Variants in WNK2 observed in about 807,000 individuals in gnomAD.
WNK2 encodes WNK lysine deficient protein kinase 2, also known as serine/threonine-protein kinase WNK2.
In WNK2, 67 loss-of-function variants were observed where a neutral mutation model predicts 192.1. The ratio of observed to expected loss-of-function variants is 0.35; its 90% CI spans 0.29 to 0.43. WNK2 has a LOEUF of 0.43. WNK2 is among the 20% of genes least tolerant of loss of function. The pLI, the probability that WNK2 is intolerant of heterozygous loss-of-function variation, is 1.00. For missense variants in WNK2, 2,698 were observed against 3,089.7 expected (o/e 0.87, Z 3.01); for synonymous variants, 1,439 against 1,393.9 (o/e 1.03, Z -0.72).
At chr9:93,316,260 T>G (rs1385476883) in intron 28 of WNK2, 1 of 152,214 alleles carries the variant, frequency 6.6e-6, no homozygotes, top group African/African-American at 2.4e-5. Flanking sequence ...AGTTCTTGAT[T>G]TTTTTCAGGT....
At chr9:93,201,977 G>A (rs1587834536) in intron 2 of WNK2, among the ~76,000 whole-genome samples, 5 of 152,204 alleles carry the variant, frequency 3.3e-5, no homozygotes, top group Admixed American at 6.5e-5. Context: ...GCTAAGCAGA[G>A]GCAGCTGCCA....
intron 28 of WNK2, among the ~76,000 whole-genome samples, chr9:93,314,895 G>T (rs992398244): frequency 1.7e-4 from 26 of 152,092 alleles, no homozygotes; most frequent in Non-Finnish European, 2.9e-4. Context: ...TTTCCCGGGG[G>T]GGGTTTTGCT....
chr9:93,289,466 C>T lies in WNK2; in HGVS notation c.4712C>T (p.Ser1571Leu). 6.2e-7 allele frequency: 1 copy of T among 1,612,518 alleles called. No individual in the cohort carries two copies. Among genetic ancestry groups the T allele is most frequent in the East Asian group, 2.2e-5 (1 of 44,858 alleles). Residue 1571 changes from serine to leucine, a missense_variant, in exon 20 of 30, where the codon TCA becomes TTA. Physicochemically the swap from Ser to Leu is moderately radical, Grantham distance 145. This residue lies in a region of WNK2 where 1,098 missense variants were observed against 1,101.0 expected (regional missense o/e 1.00). Coordinates refer to ENST00000427277, the MANE Select transcript of WNK2 (RefSeq NM_006648.4). Reference sequence around the variant, plus strand: ...GAGCACGTGCCCACCTCCTCAGCCTCAGCTGGGACCCCTGTGGAGGTGGGC... The same window carrying T: ...GAGCACGTGCCCACCTCCTCAGCCTTAGCTGGGACCCCTGTGGAGGTGGGC... ...YQEHVPTSSA[S>L]AGTPVEVGDR... is the part of the protein sequence containing the mutation.
chr9:93,266,693 T>G (rs1845225858), intron 16 of WNK2, among the ~76,000 whole-genome samples: 1 of 152,118 alleles, frequency 6.6e-6, no homozygotes, highest in Admixed American at 6.5e-5. Flanking sequence ...TGTCTGGAGG[T>G]GTATGCAGGT....
intron 2 of WNK2, among the ~76,000 whole-genome samples, chr9:93,225,900 C>A (rs188588289): frequency 7.6e-6 from 1 of 132,000 alleles, no homozygotes; most frequent in East Asian, 2.3e-4. Flanking sequence ...GGGTGCATGT[C>A]TTTCTGTTGT....
At chr9:93,188,977 C>G (rs1829839193) in intron 2 of WNK2, among the ~76,000 whole-genome samples, 1 of 152,292 alleles carries the variant, frequency 6.6e-6, no homozygotes, top group Non-Finnish European at 1.5e-5. Context: ...TTCTTGGCTA[C>G]CCACGTTGCT....
intron 29 of WNK2, chr9:93,318,228 T>A: frequency 2.0e-6 from 3 of 1,484,898 alleles, no homozygotes; most frequent in Non-Finnish European, 1.8e-6. Context: ...ATTTACTGTT[T>A]TAAGTTGCAG....
In WNK2 at chr9:93,292,289, G is replaced by T. The variant is rs568389316; in HGVS notation, c.4937-19G>T. Reference sequence around the variant, plus strand: ...TTCCTCCTCCTTCAGCCCCAGTAACGTTTCTGATGTTCCCATAGCAGAGTC... The same window carrying T: ...TTCCTCCTCCTTCAGCCCCAGTAACTTTTCTGATGTTCCCATAGCAGAGTC... On this transcript the variant is annotated intron_variant, in intron 21 of 29. Transcript: ENST00000427277. 6.2e-7 allele frequency: 1 copy of T among 1,613,440 alleles called. No individual in the cohort carries two copies. Among genetic ancestry groups the T allele is most frequent in the Non-Finnish European group, 8.5e-7 (1 of 1,179,564 alleles).
chr9:93,190,025 C>A (rs1456393852), intron 2 of WNK2, among the ~76,000 whole-genome samples: 1 of 152,208 alleles, frequency 6.6e-6, no homozygotes, highest in Non-Finnish European at 1.5e-5. Context: ...TTTAAAAATT[C>A]TCTGAAGTGC....
chr9:93,295,959 T>C (rs1292383548), intron 23 of WNK2, among the ~76,000 whole-genome samples: 28 of 57,700 alleles, frequency 4.9e-4, no homozygotes, highest in Non-Finnish European at 5.1e-4. Flanking sequence ...ACTTTCCTCC[T>C]CTCTCCATCC....
intron 28 of WNK2, 127 bp downstream of exon 28, chr9:93,308,711 C>T (rs1853079064): frequency 1.5e-6 from 2 of 1,368,784 alleles, no homozygotes; most frequent in South Asian, 1.5e-5. Flanking sequence ...CAAGTTCATT[C>T]TCCCCACAGC....
Position 93,289,321 on chromosome 9 carries a change from G to A in WNK2, c.4567G>A (p.Val1523Ile), listed in dbSNP as rs371709081. The part of the protein sequence containing the change: ...QLPSPPLGPT[V>I]PPQPPSALES... ...CCCAAGCCCACCCCTGGGGCCCACC[G>A]TCCCCCCACAGCCACCCTCGGCCCT... is the stretch of plus-strand genomic sequence containing the variant. The change falls in exon 20 of 30, where the codon GTC (valine) becomes ATC (isoleucine). Residue 1523 changes from valine to isoleucine, a missense_variant. Val to Ile is a conservative substitution (Grantham distance 29). Coordinates refer to ENST00000427277, the MANE Select transcript of WNK2 (RefSeq NM_006648.4). 105 of 1,600,886 alleles carry A rather than the reference G, an allele frequency of 6.6e-5. No individual in the cohort carries two copies. The highest frequency in any genetic ancestry group is 6.3e-5 in the Non-Finnish European group (74 of 1,174,274).
intron 19 of WNK2, among the ~76,000 whole-genome samples, chr9:93,270,513 A>C (rs576003464): frequency 6.6e-6 from 1 of 152,284 alleles, no homozygotes; most frequent in East Asian, 1.9e-4. Context: ...TTGGGGATGC[A>C]CCCCAGAATT....
chr9:93,294,027 C>T (rs1337324751), intron 23 of WNK2, among the ~76,000 whole-genome samples: 1 of 152,118 alleles, frequency 6.6e-6, no homozygotes, highest in Non-Finnish European at 1.5e-5. Context: ...TTTATTCTGT[C>T]CTGCTGCGGC....
In WNK2 at chr9:93,230,868, G is replaced by A. The variant is rs1157890451; in HGVS notation, c.855-20G>A. The A allele has an allele frequency of 5.6e-6, 9 of 1,606,532 alleles. No homozygotes were observed. The highest frequency in any genetic ancestry group is 2.1e-4 in the Middle Eastern group (1 of 4,832). ...CTGCCGGCGAGCTGCTTGGTGAGCT[G>A]TGCCCGTGAACCCCTGCAGATACCT... On this transcript the variant is annotated intron_variant, in intron 3 of 29. Coordinates refer to ENST00000427277, the MANE Select transcript of WNK2 (RefSeq NM_006648.4).
In WNK2 at chr9:93,292,568, A is replaced by G. The variant is rs768013947; in HGVS notation, c.5103A>G (p.Ala1701=). The G allele has an allele frequency of 1.9e-6, 3 of 1,569,594 alleles. No individual in the cohort carries two copies. The highest frequency in any genetic ancestry group is 2.6e-6 in the Non-Finnish European group (3 of 1,155,906). The change falls in exon 23 of 30, where the codon GCA becomes GCG. Residue 1701 remains alanine, a synonymous_variant. Coordinates refer to ENST00000427277, the MANE Select transcript of WNK2 (RefSeq NM_006648.4). ...GTGGAGAAGCTGGAGAAAGCTCGGC[A>G]GAGCCCCCGCCGAGTGACATGGGCA... ...RDGGEAGESS[A]EPPPSDMGTV...
At chr9:93,217,102 A>AGT (rs1172601346) in intron 2 of WNK2, among the ~76,000 whole-genome samples, 1 of 151,910 alleles carries the variant, frequency 6.6e-6, no homozygotes, top group African/African-American at 2.4e-5. Context: ...GAGACTACAG[A>AGT]CGTGCACCAC....
intron 19 of WNK2, among the ~76,000 whole-genome samples, chr9:93,271,256 A>G (rs575859568): frequency 2.6e-4 from 40 of 152,364 alleles, no homozygotes; most frequent in African/African-American, 8.2e-4. Flanking sequence ...GAACCTAACT[A>G]GGTTGATTGC....
rs546826992 is a variant in WNK2 at position 93,207,348 on chromosome 9, G to C, written c.681+21738G>C. Among the ~76,000 whole-genome samples, 28 of 152,184 alleles carry C rather than the reference G, an allele frequency of 1.8e-4. No individual in the cohort carries two copies. The East Asian group carries it at 2.1e-3, about 12-fold the overall frequency. The stretch of plus-strand genomic sequence containing the variant: ...TTGACCTGCCCCAGATCTCTGGTGG[G>C]GGGGCCTTGTCCACCATTCCCCTAC... On this transcript the variant is annotated intron_variant, in intron 2 of 29. Transcript: ENST00000427277.
Sources: allele counts gnomAD v4.1 joint callset (sites outside exome capture counted in the v4.1 genomes callset), GRCh38; gene constraint gnomAD v4.1.1; regional missense constraint gnomAD v4.1.1; transcripts MANE v1.5; gene names NCBI Gene and HGNC (gene_info 2026-07-23, HGNC 2026-07-21).